The following OR7C1 variants were observed in gnomAD, a reference collection of about 807,000 sequenced individuals.
OR7C1 encodes the protein olfactory receptor 7C1.
For missense variants in OR7C1, 324 were observed against 383.3 expected (o/e 0.85, Z 1.29); for synonymous variants, 152 against 160.7 (o/e 0.95, Z 0.41).
chr19:14,812,293 T>C (rs2044694965), intron 1 of OR7C1, among the ~76,000 whole-genome samples: 1 of 152,186 alleles, frequency 6.6e-6, no homozygotes, highest in Non-Finnish European at 1.5e-5. Flanking sequence ...TCAGTACCTG[T>C]TTTAAGAAAA....
chr19:14,799,197 C>T, exon 5 of OR7C1: 1 of 1,611,946 alleles, frequency 6.2e-7, no homozygotes. Context: ...GCAGTGATGT[C>T]ACCATTAAAA....
intron 1 of OR7C1, chr19:14,827,720 G>T: frequency 6.2e-7 from 1 of 1,614,132 alleles, no homozygotes; most frequent in Non-Finnish European, 8.5e-7. Context: ...AAAAGTGGGG[G>T]ATTTCTAAGG....
At chr19:14,826,854 A>T (rs544971983) in intron 1 of OR7C1, 2,352 of 155,988 alleles carry the variant, frequency 0.015, 45 homozygotes, top group Non-Finnish European at 0.019. Context: ...GGTCTACATT[A>T]TCAGGAGGAG....
At chr19:14,823,311 G>C (rs1442418745) in intron 1 of OR7C1, among the ~76,000 whole-genome samples, 2 of 152,108 alleles carry the variant, frequency 1.3e-5, no homozygotes, top group Non-Finnish European at 2.9e-5. Flanking sequence ...AATTAGGTGG[G>C]CGTGGTGGCA....
At chr19:14,813,293 A>G (rs573710046) in intron 1 of OR7C1, among the ~76,000 whole-genome samples, 18 of 151,826 alleles carry the variant, frequency 1.2e-4, no homozygotes, top group African/African-American at 3.6e-4. Context: ...AGTGGCTCAC[A>G]CCTGTAATCC....
chr19:14,806,966 T>C (rs2044668880), intron 2 of OR7C1, among the ~76,000 whole-genome samples: 2 of 152,004 alleles, frequency 1.3e-5, no homozygotes, highest in African/African-American at 4.8e-5. Context: ...CCACATTGTC[T>C]TCCACAATGG....
intron 1 of OR7C1, among the ~76,000 whole-genome samples, chr19:14,817,366 G>A (rs534997785): frequency 6.6e-6 from 1 of 152,304 alleles, no homozygotes; most frequent in Admixed American, 6.5e-5. Flanking sequence ...TCCAATTAAT[G>A]GATCTACTTT....
chr19:14,803,658 A>G (rs1408930224), intron 2 of OR7C1, among the ~76,000 whole-genome samples: 5 of 151,886 alleles, frequency 3.3e-5, no homozygotes, highest in African/African-American at 1.2e-4. Flanking sequence ...TAAAAGGGAA[A>G]CCTTACCAAG....
intron 1 of OR7C1, among the ~76,000 whole-genome samples, chr19:14,818,925 T>C (rs1179631112): frequency 6.6e-6 from 1 of 152,206 alleles, no homozygotes; most frequent in East Asian, 1.9e-4. Flanking sequence ...TTTTTTATTA[T>C]ACTTTAAGTT....
intron 1 of OR7C1, chr19:14,824,608 C>T (rs1262380976): frequency 6.6e-6 from 1 of 152,114 alleles, no homozygotes; most frequent in Non-Finnish European, 1.5e-5. Flanking sequence ...ACTACATTTT[C>T]TTTATCCAAT....
At chr19:14,824,635 C>G (rs1253681128) in intron 1 of OR7C1, 1 of 152,074 alleles carries the variant, frequency 6.6e-6, no homozygotes, top group East Asian at 1.9e-4. Flanking sequence ...TTGATGAGCA[C>G]CTGCAATGAT....
chr19:14,827,289 C>G (rs1185590476), intron 1 of OR7C1: 2 of 1,547,354 alleles, frequency 1.3e-6, no homozygotes, highest in African/African-American at 1.4e-5. Context: ...CAATCATGGG[C>G]ACTTCTTGAA....
At chr19:14,834,700 A>T (rs1281563821) in intron 1 of OR7C1, among the ~76,000 whole-genome samples, 1 of 152,216 alleles carries the variant, frequency 6.6e-6, no homozygotes, top group African/African-American at 2.4e-5. Context: ...AGTAAAAAGG[A>T]AATGTCTTTA....
intron 2 of OR7C1, among the ~76,000 whole-genome samples, chr19:14,803,989 G>A (rs965159503): frequency 2.6e-5 from 4 of 152,066 alleles, no homozygotes; most frequent in African/African-American, 9.7e-5. Context: ...GATTACAGGC[G>A]TGAACCACCG....
chr19:14,799,871 T>C, exon 5 of OR7C1: 1 of 1,614,114 alleles, frequency 6.2e-7, no homozygotes, highest in South Asian at 1.1e-5. Flanking sequence ...TATGAATTTG[T>C]TCTGTGTCAG....
At chr19:14,806,829 G>A (rs866760063) in intron 2 of OR7C1, among the ~76,000 whole-genome samples, 3 of 152,092 alleles carry the variant, frequency 2.0e-5, no homozygotes, top group Middle Eastern at 3.4e-3. Flanking sequence ...ATTGTGAATA[G>A]TGCTGCAATA....
At chr19:14,809,114 A>T (rs772964830) in intron 2 of OR7C1, among the ~76,000 whole-genome samples, 2 of 151,956 alleles carry the variant, frequency 1.3e-5, no homozygotes, top group Non-Finnish European at 2.9e-5. Flanking sequence ...GACCCATTGT[A>T]TCTCTACTTT....
intron 1 of OR7C1, chr19:14,827,972 T>G: frequency 6.2e-7 from 1 of 1,614,162 alleles, no homozygotes; most frequent in Non-Finnish European, 8.5e-7. Context: ...AGGTGATGAC[T>G]TTGTTCTGTG....
chr19:14,818,062 T>TTTTATTTA (rs372783648), intron 1 of OR7C1, among the ~76,000 whole-genome samples: 17,182 of 139,330 alleles, frequency 0.12, 1,234 homozygotes, highest in African/African-American at 0.19. Flanking sequence ...ATTTTATTTA[T>TTTTATTTA]TTTATTTATT....
Sources: allele counts gnomAD v4.1 joint callset (sites outside exome capture counted in the v4.1 genomes callset), GRCh38; gene constraint gnomAD v4.1.1; transcripts MANE v1.5; gene names NCBI Gene and HGNC (gene_info 2026-07-23, HGNC 2026-07-21).